The following MED13 variants were observed in gnomAD, a reference collection of about 807,000 sequenced individuals.
MED13 encodes the protein mediator complex subunit 13.
In MED13, 23 loss-of-function variants were observed where a neutral mutation model predicts 225.2. The ratio of observed to expected loss-of-function variants is 0.10; its 90% confidence interval spans 0.07 to 0.14. MED13 has a LOEUF of 0.14. Among genes scored for constraint, MED13 ranks in the 10% least tolerant of loss-of-function variants. The probability of loss-of-function intolerance (pLI) is 1.00; values close to 1 mark genes in which losing one functional copy is unlikely to be tolerated. For missense variants in MED13, 2,197 were observed against 2,594.5 expected (o/e 0.85, Z 3.33); for synonymous variants, 942 against 889.2 (o/e 1.06, Z -1.06).
intron 13 of MED13, 53 bp downstream of exon 13, chr17:61,984,947 G>A (rs1013023940): frequency 8.1e-6 from 13 of 1,597,672 alleles, no homozygotes; most frequent in Non-Finnish European, 1.1e-5. Context: ...GGGGAGCTTT[G>A]TTGAGATTAA....
At chr17:61,991,925 C>T (rs2080303035) in intron 11 of MED13, among the ~76,000 whole-genome samples, 4 of 152,176 alleles carry the variant, frequency 2.6e-5, no homozygotes, top group South Asian at 4.2e-4. Context: ...GGATTACGGG[C>T]GTGAGCCACG....
chr17:62,006,130 AAGGGATT>A (rs1463178583), intron 9 of MED13: 1 of 152,182 alleles, frequency 6.6e-6, no homozygotes, highest in Non-Finnish European at 1.5e-5. Flanking sequence ...TATGCAAAAG[AAGGGATT>A]ATAGCCCAAC....
chr17:61,977,572 C>G (rs1442094984), intron 16 of MED13, among the ~76,000 whole-genome samples: 1 of 152,212 alleles, frequency 6.6e-6, no homozygotes, highest in Non-Finnish European at 1.5e-5. Flanking sequence ...CTGCCTCAGC[C>G]TCCCGAGTAG....
At chr17:61,961,276 C>T (rs1198495184) in intron 22 of MED13, among the ~76,000 whole-genome samples, 186 bp from the exon 23 acceptor site, 1 of 151,968 alleles carries the variant, frequency 6.6e-6, no homozygotes, top group Non-Finnish European at 1.5e-5. Context: ...TGCCTGTAAT[C>T]CCAGCACTTT....
At chr17:61,963,447 ACTCT>A (rs1194645555) in intron 20 of MED13, among the ~76,000 whole-genome samples, 1 of 150,896 alleles carries the variant, frequency 6.6e-6, no homozygotes, top group Admixed American at 6.6e-5. Flanking sequence ...ACATTTTCAG[ACTCT>A]CTCTCTCTAT....
At chr17:62,037,250 C>T (rs570350597) in intron 3 of MED13, among the ~76,000 whole-genome samples, 69 of 150,584 alleles carry the variant, frequency 4.6e-4, no homozygotes, top group African/African-American at 1.7e-3. Flanking sequence ...AAGACTGTCT[C>T]AAAAAACATA....
At chr17:61,997,853 T>C (rs2080359204) in intron 9 of MED13, among the ~76,000 whole-genome samples, 1 of 152,128 alleles carries the variant, frequency 6.6e-6, no homozygotes, top group Non-Finnish European at 1.5e-5. Flanking sequence ...ACATAAGTAG[T>C]TGCTAGACTA....
intron 8 of MED13, among the ~76,000 whole-genome samples, chr17:62,027,109 A>G (rs894154461): frequency 3.9e-5 from 6 of 152,254 alleles, no homozygotes; most frequent in Non-Finnish European, 8.8e-5. Context: ...TGAAATTCAA[A>G]AAGAGCCCAA....
chr17:62,060,077 C>T (rs1265512177), intron 2 of MED13, among the ~76,000 whole-genome samples: 3 of 152,092 alleles, frequency 2.0e-5, no homozygotes, highest in Non-Finnish European at 4.4e-5. Context: ...GGACTGTCTG[C>T]GCTCAGGAGT....
At chr17:61,968,392 C>T (rs547862407) in intron 17 of MED13, 134 bp from the exon 18 acceptor site, 1 of 592,526 alleles carries the variant, frequency 1.7e-6, no homozygotes, top group Non-Finnish European at 2.6e-6. Flanking sequence ...GTGGCGCCAT[C>T]TCGGCTCACT....
At position 61,972,773 on chromosome 17, in the gene MED13, A is replaced by G; in HGVS notation, c.3921T>C (p.Pro1307=). ...TTTTATGAAATTGTTGCCAAGTGAG[A>G]GGACCCTGAACACCCCAAGGTCTTA... ...RTVRPWGVQG[P]LTWQQFHKMA... is the part of the protein sequence containing the mutation. Residue 1307 remains proline, a synonymous_variant, in exon 17 of 30, where the codon CCT becomes CCC. Transcript: ENST00000397786. 1 of 1,613,276 alleles carries G rather than the reference A, an allele frequency of 6.2e-7. No individual in the cohort carries two copies. The highest frequency in any genetic ancestry group is 8.5e-7 in the Non-Finnish European group (1 of 1,179,746).
intron 3 of MED13, among the ~76,000 whole-genome samples, chr17:62,042,423 A>G (rs976538624): frequency 1.3e-5 from 2 of 152,042 alleles, no homozygotes; most frequent in African/African-American, 4.8e-5. Context: ...TTAGCTGGGC[A>G]TGGTGGCACA....
At chr17:61,953,138 T>G in intron 26 of MED13, 25 bp from the exon 27 acceptor site, 1 of 1,599,298 alleles carries the variant, frequency 6.3e-7, no homozygotes, top group Non-Finnish European at 8.5e-7. Flanking sequence ...GAAAAGAAAT[T>G]TAAAACTCCA....
At chr17:62,033,513 T>C (rs1019540201) in intron 5 of MED13, among the ~76,000 whole-genome samples, 2 of 152,220 alleles carry the variant, frequency 1.3e-5, no homozygotes, top group Non-Finnish European at 2.9e-5. Flanking sequence ...TACACTTACA[T>C]GGTTAGGTTC....
chr17:62,022,634 C>T (rs555992758), intron 8 of MED13, among the ~76,000 whole-genome samples: 2 of 151,962 alleles, frequency 1.3e-5, no homozygotes, highest in South Asian at 4.1e-4. Flanking sequence ...AACAATGAAG[C>T]AGAGCTATAT....
At chr17:62,024,602 G>A (rs1443277681) in intron 8 of MED13, among the ~76,000 whole-genome samples, 1 of 152,126 alleles carries the variant, frequency 6.6e-6, no homozygotes, top group Non-Finnish European at 1.5e-5. Context: ...GTAAACTCAT[G>A]TCATGGGGGT....
At chr17:62,047,221 A>C (rs62070674) in intron 3 of MED13, among the ~76,000 whole-genome samples, 3,577 of 152,068 alleles carry the variant, frequency 0.024, 49 homozygotes, top group Non-Finnish European at 0.033. Flanking sequence ...AAATACAAAA[A>C]TTAGCCGGGC....
In MED13 at chr17:61,983,115, C is replaced by CT; in HGVS notation, c.2889-2dup. The CT allele has an allele frequency of 6.3e-7, 1 of 1,590,524 alleles. No individual in the cohort carries two copies. Among genetic ancestry groups the CT allele is most frequent in the Non-Finnish European group, 8.6e-7 (1 of 1,166,350 alleles). On this transcript the variant is annotated splice_acceptor_variant, in intron 15 of 29. Coordinates refer to ENST00000397786, the MANE Select transcript of MED13 (RefSeq NM_005121.3). LOFTEE classifies it high-confidence loss of function. ...TTCTTGATCCATATTACTTCCATCA[C>CT]TATCATCACCAGGGTAAAAGAAGAT...
At chr17:61,988,395 G>A (rs537552391) in intron 11 of MED13, among the ~76,000 whole-genome samples, 1 of 152,266 alleles carries the variant, frequency 6.6e-6, no homozygotes, top group African/African-American at 2.4e-5. Context: ...AAAACAATTT[G>A]ATACATAACC....
Sources: allele counts gnomAD v4.1 joint callset (sites outside exome capture counted in the v4.1 genomes callset), GRCh38; gene constraint gnomAD v4.1.1; transcripts MANE v1.5; gene names NCBI Gene and HGNC (gene_info 2026-07-23, HGNC 2026-07-21).